Variants in MPV17L observed in about 807,000 individuals in gnomAD.
MPV17L encodes the protein mpv17-like protein.
MPV17L carries 24 observed loss-of-function variants against 25.8 expected under a neutral mutation model. The observed-to-expected ratio is 0.93, with a 90% CI of 0.67 to 1.31. MPV17L has a LOEUF of 1.31. Among genes scored for constraint, MPV17L ranks in the 50% most tolerant of loss-of-function variants. MPV17L has a pLI of 0.00. For synonymous variants in MPV17L, 102 were observed against 115.3 expected, an observed-to-expected ratio of 0.88 and a Z score of 0.74; for missense variants, 250 against 265.6, an observed-to-expected ratio of 0.94 and a Z score of 0.41.
intron 2 of MPV17L, among the ~76,000 whole-genome samples, chr16:15,406,870 G>A (rs1337656851): frequency 6.6e-6 from 1 of 152,100 alleles, no homozygotes; most frequent in Non-Finnish European, 1.5e-5. Flanking sequence ...ATGTTGCAGT[G>A]AGCCAAGATC....
chr16:15,405,894 A>T (rs1428396179), intron 2 of MPV17L, among the ~76,000 whole-genome samples: 2 of 151,062 alleles, frequency 1.3e-5, no homozygotes, highest in Non-Finnish European at 2.9e-5. Flanking sequence ...AATAAATATA[A>T]AATATACATT....
At chr16:15,403,483 C>T (rs1418313717) in intron 2 of MPV17L, among the ~76,000 whole-genome samples, 1 of 151,258 alleles carries the variant, frequency 6.6e-6, no homozygotes, top group East Asian at 2.0e-4. Flanking sequence ...GACCAGCCTG[C>T]GCAACCATAG....
At position 15,411,662 on chromosome 16, in the gene MPV17L, A is replaced by G. The variant is rs1053848660; in HGVS notation, c.*3550A>G. 5 of 152,030 alleles carry G rather than the reference A, an allele frequency of 3.3e-5. No homozygotes were observed. The highest frequency in any genetic ancestry group is 9.7e-5 in the African/African-American group (4 of 41,380). 9.4% of individuals were successfully genotyped at this position (152,030 alleles called of 1,614,324 possible). On this transcript the variant is annotated 3_prime_UTR_variant, in exon 4 of 4. Coordinates refer to ENST00000396385, the MANE Select transcript of MPV17L (RefSeq NM_001128423.2). ...AGCAAAAGAGATTTAAATAATAACA[A>G]TTATAAGAAGGCTGGGCGCGGTGGC... is the stretch of plus-strand genomic sequence containing the variant.
Position 15,408,354 on chromosome 16 carries a change from TG to T in MPV17L, c.*244del, listed in dbSNP as rs748716744. 2.0e-4 allele frequency: 74 copies of T among 371,730 alleles called. No individual in the cohort carries two copies. Among genetic ancestry groups the T allele is most frequent in the Non-Finnish European group, 2.9e-4 (61 of 208,094 alleles). The allele number at this position is 371,730 out of a possible 1,614,324, so 23.0% of individuals were successfully genotyped here. ...GTTAATATGAATAATAGTGGCAAAA[TG>T]GCATTTTAGAATTATTAATATTTCT... On this transcript the variant is annotated 3_prime_UTR_variant, in exon 4 of 4. Coordinates refer to ENST00000396385, the MANE Select transcript of MPV17L (RefSeq NM_001128423.2).
intron 1 of MPV17L, 29 bp downstream of exon 1, chr16:15,396,236 T>A: frequency 6.5e-7 from 1 of 1,539,034 alleles, no homozygotes; most frequent in Non-Finnish European, 8.7e-7. Flanking sequence ...ACCTGGGGGG[T>A]GGGACCCAGT....
At chr16:15,406,901 A>T (rs2050685443) in intron 2 of MPV17L, among the ~76,000 whole-genome samples, 1 of 151,996 alleles carries the variant, frequency 6.6e-6, no homozygotes. Context: ...ACTCCAGACT[A>T]AGCGACAGAA....
In MPV17L at chr16:15,411,341, G is replaced by A. The variant is rs1436545497; in HGVS notation, c.*3229G>A. 2 of 152,214 alleles carry A rather than the reference G, an allele frequency of 1.3e-5. No individual in the cohort carries two copies. The highest frequency in any genetic ancestry group is 1.5e-5 in the Non-Finnish European group (1 of 68,048). The allele number at this position is 152,214 out of a possible 1,614,324, so 9.4% of individuals were successfully genotyped here. ...CTTTTATGATAGAAGAATAGTGTTT[G>A]CATTTTGTATAAAAGTACTTGGGGC... On this transcript the variant is annotated 3_prime_UTR_variant, in exon 4 of 4. Transcript: ENST00000396385.
chr16:15,396,127 G>A lies in MPV17L; in HGVS notation c.230G>A (p.Arg77Gln). 2 of 1,546,920 alleles carry A rather than the reference G, an allele frequency of 1.3e-6. No individual in the cohort carries two copies. The highest frequency in any genetic ancestry group is 2.0e-5 in the Admixed American group (1 of 51,012). Residue 77 changes from arginine to glutamine, a missense_variant, in exon 1 of 4, where the codon CGA (arginine) becomes CAA (glutamine). Coordinates refer to ENST00000396385, the MANE Select transcript of MPV17L (RefSeq NM_001128423.2). ...CTGCTGGAGCGCGCGCTCCCGGGCC[G>A]AGCGCCGCACGCCCTGCTGGCCAAG... ...LRLLERALPG[R>Q]APHALLAKLL...
chr16:15,406,713 G>A (rs376844567), intron 2 of MPV17L, among the ~76,000 whole-genome samples: 10 of 152,024 alleles, frequency 6.6e-5, no homozygotes, highest in African/African-American at 2.4e-4. Context: ...ATCACCTGAG[G>A]TCAGGAGTTC....
chr16:15,406,777 T>C (rs2050684142), intron 2 of MPV17L, among the ~76,000 whole-genome samples: 1 of 151,476 alleles, frequency 6.6e-6, no homozygotes, highest in Non-Finnish European at 1.5e-5. Context: ...AATACAAAAA[T>C]TAGCCGAGCA....
At chr16:15,401,019 C>T (rs142361994) in intron 2 of MPV17L, among the ~76,000 whole-genome samples, 162 bp downstream of exon 2, 4,622 of 123,316 alleles carry the variant, frequency 0.037, 132 homozygotes, top group African/African-American at 0.073. Context: ...TAATTTGACA[C>T]GTGTTTAATC....
intron 1 of MPV17L, among the ~76,000 whole-genome samples, chr16:15,399,700 T>C (rs764296924): frequency 2.0e-5 from 3 of 152,214 alleles, no homozygotes; most frequent in Admixed American, 6.5e-5. Flanking sequence ...AAATTTTGAA[T>C]AGGGTAATAC....
chr16:15,398,679 C>T (rs1190909787), intron 1 of MPV17L, among the ~76,000 whole-genome samples: 1 of 150,732 alleles, frequency 6.6e-6, no homozygotes, highest in African/African-American at 2.4e-5. Context: ...ACCTCAGCCT[C>T]CCAGGTTCAA....
intron 1 of MPV17L, among the ~76,000 whole-genome samples, chr16:15,396,627 GA>G (rs2050587464): frequency 6.6e-6 from 1 of 152,138 alleles, no homozygotes; most frequent in Admixed American, 6.5e-5. Flanking sequence ...CAATGACCGT[GA>G]ACCAGTCGTG....
At chr16:15,406,834 G>A (rs1598426923) in intron 2 of MPV17L, among the ~76,000 whole-genome samples, 2 of 152,106 alleles carry the variant, frequency 1.3e-5, no homozygotes, top group East Asian at 1.9e-4. Flanking sequence ...GCTGAGGCAG[G>A]AGAACTGCTT....
chr16:15,402,577 G>C (rs1218913276), intron 2 of MPV17L, among the ~76,000 whole-genome samples: 1 of 152,054 alleles, frequency 6.6e-6, no homozygotes, highest in African/African-American at 2.4e-5. Context: ...AGTGTGTTCA[G>C]AACTCTTGTG....
At chr16:15,400,916 G>A (rs1358915478) in intron 2 of MPV17L, 59 bp downstream of exon 2, 2 of 1,033,668 alleles carry the variant, frequency 1.9e-6, no homozygotes, top group African/African-American at 1.7e-5. Flanking sequence ...GTATATATAT[G>A]TGTATAAAAA....
chr16:15,397,837 G>C (rs916206107), intron 1 of MPV17L, among the ~76,000 whole-genome samples: 1 of 152,044 alleles, frequency 6.6e-6, no homozygotes, highest in Non-Finnish European at 1.5e-5. Context: ...CATGGCTGAC[G>C]GGGTCAGTGG....
chr16:15,396,310 TG>T (rs986128008), intron 1 of MPV17L, 103 bp downstream of exon 1: 32 of 1,409,908 alleles, frequency 2.3e-5, no homozygotes, highest in African/African-American at 4.3e-5. Context: ...TGCAGGAGCC[TG>T]GGGACCCGGG....
Sources: allele counts gnomAD v4.1 joint callset (sites outside exome capture counted in the v4.1 genomes callset), GRCh38; gene constraint gnomAD v4.1.1; transcripts MANE v1.5; gene names NCBI Gene and HGNC (gene_info 2026-07-23, HGNC 2026-07-21).